Variants in SOX6 observed in about 807,000 individuals in gnomAD.
SOX6 encodes transcription factor SOX-6.
SOX6 carries 11 observed loss-of-function variants against 97.8 expected under a neutral mutation model. That is an observed-to-expected ratio of 0.11 (90% CI 0.07 to 0.19). SOX6 has a LOEUF of 0.19. Ranked by LOEUF, SOX6 falls within the 10% of genes least tolerant of loss-of-function variation. The pLI, the probability that SOX6 is intolerant of heterozygous loss-of-function variation, is 1.00. For synonymous variants in SOX6, 360 were observed against 371.4 expected (o/e 0.97, Z 0.35); for missense variants, 810 against 1,039.5 (o/e 0.78, Z 3.04).
rs1217479309 is a variant in SOX6 at position 15,970,750 on chromosome 11, C to T, written c.*2059G>A. The T allele has an allele frequency of 1.3e-5, 2 of 152,624 alleles. No homozygotes were observed. Among genetic ancestry groups the T allele is most frequent in the African/African-American group, 4.8e-5 (2 of 41,438 alleles). 9.5% of individuals were successfully genotyped at this position (152,624 alleles called of 1,614,324 possible). ...GTTTATTGCTATTAGGCCTTGAGCA[C>T]TCTTAAATAAATACAAAGGTACACT... On this transcript the variant is annotated 3_prime_UTR_variant, in exon 16 of 16. Transcript: ENST00000683767.
intron 4 of SOX6, among the ~76,000 whole-genome samples, chr11:16,551,162 A>G (rs1290982582): frequency 1.3e-5 from 2 of 152,142 alleles, no homozygotes; most frequent in Non-Finnish European, 2.9e-5. Flanking sequence ...CCTAGACAAC[A>G]TAGTGAGACA....
chr11:16,225,440 C>T (rs1053917760), intron 4 of SOX6, among the ~76,000 whole-genome samples: 3 of 144,652 alleles, frequency 2.1e-5, no homozygotes, highest in Non-Finnish European at 3.0e-5. Flanking sequence ...TCTGTGATTG[C>T]CTAAAACAGA....
chr11:16,537,522 T>G (rs148904221), intron 4 of SOX6, among the ~76,000 whole-genome samples: 2 of 152,186 alleles, frequency 1.3e-5, no homozygotes, highest in East Asian at 3.9e-4. Flanking sequence ...AACAACAAAC[T>G]TCTCTGAGCT....
At chr11:16,164,551 C>T (rs899558024) in intron 6 of SOX6, among the ~76,000 whole-genome samples, 6 of 152,176 alleles carry the variant, frequency 3.9e-5, no homozygotes, top group African/African-American at 1.4e-4. Context: ...GGGCCGGGCA[C>T]AGTGGCTCAC....
chr11:16,420,881 A>T (rs866210483), intron 1 of SOX6, among the ~76,000 whole-genome samples: 14 of 152,172 alleles, frequency 9.2e-5, no homozygotes, highest in Admixed American at 8.5e-4. Context: ...CAGACCAAGG[A>T]CATTATGTCT....
In SOX6 at chr11:16,675,542, G is replaced by T. The variant is rs536770768; in HGVS notation, n.429+39288C>A. Among the ~76,000 whole-genome samples the T allele has an allele frequency of 3.3e-4, 50 of 152,324 alleles. 1 individual carries two copies. The South Asian group carries it at 4.4e-3, about 13-fold the overall frequency. On this transcript the variant is annotated intron_variant and non_coding_transcript_variant, in intron 3 of 5. Transcript: ENST00000524520. ...AACCAAAAATAGGTAGTTCTTTGATGAGTGATTTTTTTATGTCTTTGTCTG... is the reference window on the plus strand; with the variant it reads ...AACCAAAAATAGGTAGTTCTTTGATTAGTGATTTTTTTATGTCTTTGTCTG...
intron 1 of SOX6, among the ~76,000 whole-genome samples, chr11:16,452,398 G>A (rs943230468): frequency 2.0e-5 from 3 of 152,164 alleles, no homozygotes; most frequent in Non-Finnish European, 2.9e-5. Context: ...AAGAAAGCTT[G>A]AGGATTCATG....
At chr11:16,015,157 T>C (rs1324412218) in intron 12 of SOX6, 107 bp from the exon 13 acceptor site, 3 of 943,984 alleles carry the variant, frequency 3.2e-6, no homozygotes, top group African/African-American at 1.6e-5. Context: ...AAAAATATCA[T>C]TTCTGACCAA....
intron 4 of SOX6, among the ~76,000 whole-genome samples, chr11:16,511,559 T>C (rs998968449): frequency 2.0e-5 from 3 of 152,166 alleles, no homozygotes; most frequent in African/African-American, 7.2e-5. Flanking sequence ...ATTCTACAAA[T>C]AGATATTCAG....
intron 1 of SOX6, among the ~76,000 whole-genome samples, chr11:16,374,310 C>G (rs904518743): frequency 6.6e-6 from 1 of 151,978 alleles, no homozygotes; most frequent in Non-Finnish European, 1.5e-5. Context: ...TCTTTTTTAG[C>G]TCATTAGAAT....
intron 4 of SOX6, among the ~76,000 whole-genome samples, chr11:16,601,909 A>G (rs1381536350): frequency 6.6e-6 from 1 of 152,160 alleles, no homozygotes; most frequent in Non-Finnish European, 1.5e-5. Context: ...TTGTACATAT[A>G]TGTTTTTCCC....
intron 1 of SOX6, among the ~76,000 whole-genome samples, chr11:16,363,119 A>C (rs1046922572): frequency 3.3e-5 from 5 of 152,180 alleles, no homozygotes; most frequent in African/African-American, 1.2e-4. Flanking sequence ...TTCTAAGTCA[A>C]ATTAAACCAC....
intron 2 of SOX6, among the ~76,000 whole-genome samples, chr11:16,337,049 T>C (rs1856483936): frequency 6.6e-6 from 1 of 152,192 alleles, no homozygotes; most frequent in Non-Finnish European, 1.5e-5. Flanking sequence ...CTTTATTGTC[T>C]GCCATACTAC....
rs190149151 is a variant in SOX6 at position 16,510,403 on chromosome 11, C to A, written n.610-34015G>T. Among the ~76,000 whole-genome samples the A allele has an allele frequency of 2.6e-5, 4 of 152,064 alleles. No homozygotes were observed. In the East Asian group the frequency reaches 7.7e-4, roughly 29 times the overall value. On this transcript the variant is annotated intron_variant and non_coding_transcript_variant, in intron 4 of 5. Transcript: ENST00000524520. ...TATTAATTCAGCATCTGATCCTGGC[C>A]TACATGAATGGGGCAACTCTTAAAT... is the stretch of plus-strand genomic sequence containing the variant.
intron 6 of SOX6, among the ~76,000 whole-genome samples, chr11:16,147,120 T>C (rs1183942330): frequency 6.6e-6 from 1 of 152,122 alleles, no homozygotes; most frequent in Non-Finnish European, 1.5e-5. Context: ...CCAACAATCA[T>C]AGACTGGATT....
chr11:16,184,123 T>C (rs1851411207), intron 5 of SOX6, among the ~76,000 whole-genome samples, 169 bp from the exon 6 acceptor site: 1 of 152,114 alleles, frequency 6.6e-6, no homozygotes, highest in Non-Finnish European at 1.5e-5. Flanking sequence ...GAAAAATTTT[T>C]AAACAAGTGC....
chr11:16,015,364 C>A (rs1810038218), intron 12 of SOX6: 1 of 360,122 alleles, frequency 2.8e-6, no homozygotes, highest in African/African-American at 2.1e-5. Flanking sequence ...GAGGGTTGAG[C>A]CAACAATGCA....
intron 12 of SOX6, among the ~76,000 whole-genome samples, chr11:16,018,199 T>A (rs1026974723): frequency 2.0e-5 from 3 of 152,108 alleles, no homozygotes; most frequent in African/African-American, 4.8e-5. Context: ...GTAGCATCCA[T>A]CATCTTCACG....
rs899616203 is a variant in SOX6 at position 16,127,230 on chromosome 11, C to T, written c.778-15307G>A. ...TGGGAGAGATTTTTAACAACAACAA[C>T]GAAGGCTGCTAGTCAAGTGATCATG... On this transcript the variant is annotated intron_variant, in intron 6 of 15. Transcript: ENST00000683767. 6.6e-5 allele frequency among the ~76,000 whole-genome samples: 10 copies of T among 151,102 alleles called. No individual in the cohort carries two copies. In the East Asian group the frequency reaches 1.8e-3, roughly 27 times the overall value.
Sources: allele counts gnomAD v4.1 joint callset (sites outside exome capture counted in the v4.1 genomes callset), GRCh38; gene constraint gnomAD v4.1.1; transcripts MANE v1.5; gene names NCBI Gene and HGNC (gene_info 2026-07-23, HGNC 2026-07-21).